The following BRWD1 variants were observed in gnomAD, a reference collection of about 807,000 sequenced individuals.
The protein encoded by BRWD1 is bromodomain and WD repeat domain containing 1.
BRWD1 carries 82 observed loss-of-function variants against 251.2 expected under a neutral mutation model. The observed-to-expected ratio is 0.33, with a 90% CI of 0.27 to 0.39. BRWD1 has a LOEUF of 0.39. BRWD1 is among the 10% of genes least tolerant of loss of function. The pLI is 1.00. For synonymous variants in BRWD1, 918 were observed against 902.8 expected (o/e 1.02, Z -0.30); for missense variants, 2,233 against 2,711.6 (o/e 0.82, Z 3.92).
rs764200231 is a variant in BRWD1, at chr21:39,264,544, G to A, written c.1801C>T (p.Pro601Ser). The A allele has an allele frequency of 2.5e-6, 4 of 1,613,376 alleles. No homozygotes were observed. Among genetic ancestry groups the A allele is most frequent in the East Asian group, 2.2e-5 (1 of 44,844 alleles). Reference protein sequence around the residue: ...FLVDVDGNPHPTKYQRLVPGR... With the variant: ...FLVDVDGNPHSTKYQRLVPGR... Reference sequence around the variant, plus strand: ...GGTACTAATCTCTGATACTTGGTTGGATGAGGATTTCCATCTACATCTACC... The same window carrying A: ...GGTACTAATCTCTGATACTTGGTTGAATGAGGATTTCCATCTACATCTACC... Residue 601 changes from proline to serine, a missense_variant, in exon 17 of 41, where the codon CCA (proline) becomes TCA (serine). Pro to Ser is a moderately conservative substitution (Grantham distance 74). Coordinates refer to ENST00000342449, the MANE Select transcript of BRWD1 (RefSeq NM_033656.4).
At chr21:39,275,292 C>A (rs2035244773) in intron 12 of BRWD1, among the ~76,000 whole-genome samples, 2 of 152,044 alleles carry the variant, frequency 1.3e-5, no homozygotes, top group African/African-American at 4.8e-5. Context: ...GTAATAATTT[C>A]TTTGCAGGAT....
rs2031497855 is a variant in BRWD1 at position 39,190,526 on chromosome 21, C to T, written c.*5733G>A. On this transcript the variant is annotated 3_prime_UTR_variant, in exon 41 of 41. Coordinates refer to ENST00000342449, the MANE Select transcript of BRWD1 (RefSeq NM_033656.4). ...ACAAAGTGGGTAAACCCTCTAGGTG[C>T]AAGTTATAAGCTCCCTCAAGCAAGC... The T allele has an allele frequency of 3.0e-6, 3 of 985,242 alleles. No individual in the cohort carries two copies. Among genetic ancestry groups the T allele is most frequent in the Non-Finnish European group, 3.6e-6 (3 of 829,918 alleles). The allele number at this position is 985,242 out of a possible 1,614,324, so 61.0% of individuals were successfully genotyped here.
chr21:39,297,130 G>A (rs1265629619), intron 5 of BRWD1: 1 of 985,208 alleles, frequency 1.0e-6, no homozygotes, highest in Non-Finnish European at 1.2e-6. Context: ...AGAAAAAAAA[G>A]TCTGCCCTCC....
chr21:39,294,019 C>G lies in BRWD1; in HGVS notation c.623G>C (p.Cys208Ser), dbSNP rs776443170. 65 of 1,613,910 alleles carry G rather than the reference C, an allele frequency of 4.0e-5. No individual in the cohort carries two copies. The highest frequency in any genetic ancestry group is 5.4e-5 in the Non-Finnish European group (64 of 1,179,942). The change falls in exon 8 of 41, where the codon TGT (cysteine) becomes TCT (serine). Residue 208 changes from cysteine (C) to serine (S), a missense_variant. By Grantham distance (112) the Cys-to-Ser change is moderately radical. Around this residue, in one of 12 missense-constraint regions of BRWD1, gnomAD observed 185 missense variants for 260.6 expected, o/e 0.71. Coordinates refer to ENST00000342449, the MANE Select transcript of BRWD1 (RefSeq NM_033656.4). ...GHRIFTGSDD[C>S]LVKIWSTHNG... The stretch of plus-strand genomic sequence containing the variant: ...ATGTGTTGACCAAATCTTTACCAAA[C>G]AGTCATCTGAACCCTAAGAAAAAAT...
chr21:39,244,564 C>T (rs1314970834), intron 21 of BRWD1, among the ~76,000 whole-genome samples: 1 of 152,150 alleles, frequency 6.6e-6, no homozygotes, highest in Non-Finnish European at 1.5e-5. Context: ...CCTTTTATAG[C>T]ACTTTTTACA....
chr21:39,276,079 A>T (rs2035271706), intron 12 of BRWD1, 94 bp downstream of exon 12: 2 of 1,109,974 alleles, frequency 1.8e-6, no homozygotes, highest in Non-Finnish European at 2.4e-6. Context: ...TAAAGGGAAA[A>T]AATACATACA....
chr21:39,223,850 T>C (rs1022247017), intron 29 of BRWD1, among the ~76,000 whole-genome samples: 1 of 152,050 alleles, frequency 6.6e-6, no homozygotes, highest in African/African-American at 2.4e-5. Context: ...GGATGTAAAT[T>C]TTTTGTTTTG....
intron 8 of BRWD1, among the ~76,000 whole-genome samples, chr21:39,282,594 C>T (rs1278317916): frequency 2.0e-5 from 3 of 152,218 alleles, no homozygotes; most frequent in South Asian, 4.1e-4. Flanking sequence ...CACTGAATTG[C>T]TAATTGGACA....
At chr21:39,200,543 A>T in intron 38 of BRWD1, 157 bp from the exon 39 acceptor site, 1 of 560,816 alleles carries the variant, frequency 1.8e-6, no homozygotes, top group Non-Finnish European at 2.8e-6. Context: ...ATTCCCAAAA[A>T]AAGCTGATGA....
At position 39,191,572 on chromosome 21, in the gene BRWD1, A is replaced by G. The variant is rs1027759670; in HGVS notation, c.*4687T>C. 2.0e-6 allele frequency: 2 copies of G among 984,608 alleles called. No homozygotes were observed. Among genetic ancestry groups the G allele is most frequent in the East Asian group, 2.3e-4 (2 of 8,808 alleles). 61.0% of individuals were successfully genotyped at this position (984,608 alleles called of 1,614,324 possible). ...CTTGACAGGCTCATGTAATTTTTTG[A>G]TTGGGATTTTGTAGGTGAATATATA... On this transcript the variant is annotated 3_prime_UTR_variant, in exon 41 of 41. Coordinates refer to ENST00000342449, the MANE Select transcript of BRWD1 (RefSeq NM_033656.4).
chr21:39,251,569 G>C (rs1183591970), intron 19 of BRWD1, among the ~76,000 whole-genome samples: 4 of 152,138 alleles, frequency 2.6e-5, no homozygotes, highest in African/African-American at 4.8e-5. Flanking sequence ...ACTCAACAGA[G>C]TGTAAGAGTA....
At chr21:39,265,767 C>T (rs183211238) in intron 15 of BRWD1, among the ~76,000 whole-genome samples, 1 of 152,306 alleles carries the variant, frequency 6.6e-6, no homozygotes, top group African/African-American at 2.4e-5. Context: ...CAGCTCATTA[C>T]TAAGATGACT....
At chr21:39,215,189 T>C (rs1391070118) in intron 32 of BRWD1, 48 bp downstream of exon 32, 6 of 1,586,474 alleles carry the variant, frequency 3.8e-6, no homozygotes, top group African/African-American at 2.7e-5. Flanking sequence ...TGATTGTTAA[T>C]AGCACAATAT....
At chr21:39,270,972 T>C (rs964302724) in intron 13 of BRWD1, among the ~76,000 whole-genome samples, 1 of 152,210 alleles carries the variant, frequency 6.6e-6, no homozygotes, top group African/African-American at 2.4e-5. Context: ...TGGATACACA[T>C]GCCTAGAATG....
At chr21:39,313,965 A>T, upstream of BRWD1, 1 of 368,784 alleles carries the variant, frequency 2.7e-6, no homozygotes, top group Non-Finnish European at 5.4e-6. Flanking sequence ...AAGCGCGGCC[A>T]CAAGAGGGGG....
intron 8 of BRWD1, among the ~76,000 whole-genome samples, chr21:39,281,057 T>C (rs1462707678): frequency 1.3e-5 from 2 of 152,008 alleles, no homozygotes. Context: ...TCAGCACAAG[T>C]TCAAAAGCGA....
Position 39,269,995 on chromosome 21 carries a change from G to C in BRWD1, c.1434C>G (p.Pro478=). 25 of 1,592,890 alleles carry C rather than the reference G, an allele frequency of 1.6e-5. No individual in the cohort carries two copies. The highest frequency in any genetic ancestry group is 2.1e-5 in the Non-Finnish European group (25 of 1,168,970). The change falls in exon 15 of 41, where the codon CCC becomes CCG. Residue 478 remains proline, a synonymous_variant. Coordinates refer to ENST00000342449, the MANE Select transcript of BRWD1 (RefSeq NM_033656.4). ...ADEVFVLETH[P]FDSRIMLSAG... is the part of the protein sequence containing the mutation. The stretch of plus-strand genomic sequence containing the variant: ...CAGATAACATAATTCTGGAATCAAA[G>C]GGATGTGTCTCCAGAACAAATACTT...
intron 21 of BRWD1, among the ~76,000 whole-genome samples, chr21:39,243,825 A>C (rs2034086149): frequency 6.6e-6 from 1 of 152,220 alleles, no homozygotes; most frequent in Admixed American, 6.5e-5. Context: ...GCATATGTAC[A>C]ACTCACTCTC....
intron 27 of BRWD1, among the ~76,000 whole-genome samples, chr21:39,226,751 C>T (rs537315411): frequency 6.6e-5 from 10 of 152,150 alleles, no homozygotes; most frequent in African/African-American, 9.7e-5. Context: ...AGGAGCCACA[C>T]GCCCTGACAA....
Sources: allele counts gnomAD v4.1 joint callset (sites outside exome capture counted in the v4.1 genomes callset), GRCh38; gene constraint gnomAD v4.1.1; regional missense constraint gnomAD v4.1.1; transcripts MANE v1.5; gene names NCBI Gene and HGNC (gene_info 2026-07-23, HGNC 2026-07-21).